Variants in GBGT1 observed in about 807,000 individuals in gnomAD.
GBGT1 encodes the protein globoside alpha-1,3-N-acetylgalactosaminyltransferase 1.
Under a neutral mutation model 20.9 loss-of-function variants are expected in GBGT1, and 18 were observed. The observed-to-expected ratio is 0.86, with a 90% CI of 0.60 to 1.28. The LOEUF is 1.28. GBGT1 is among the 50% of genes most tolerant of loss of function. GBGT1 has a pLI of 0.00. For synonymous variants in GBGT1, 168 were observed against 180.8 expected (o/e 0.93, Z 0.57); for missense variants, 432 against 455.7 (o/e 0.95, Z 0.47).
At position 133,154,077 on chromosome 9, in the gene GBGT1, G is replaced by T. The variant is rs200869632; in HGVS notation, c.544C>A (p.Arg182Ser). 1.9e-6 allele frequency: 3 copies of T among 1,613,368 alleles called. No homozygotes were observed. Among genetic ancestry groups the T allele is most frequent in the Non-Finnish European group, 2.5e-6 (3 of 1,179,886 alleles). The change falls in exon 7 of 7, where the codon CGC (arginine) becomes AGC (serine). Residue 182 changes from arginine to serine, a missense_variant. By Grantham distance (110) the Arg-to-Ser change is moderately radical (BLOSUM62 -1). Transcript: ENST00000372040. This position sits in a 1 kb window ranked among gnomAD's most constrained non-coding sequence, Gnocchi z 4.2. ...TGCTGGCTGATGGTCTCCATCCGGC[G>T]CATGGATGTCTCCTCCCAGTGGGAG... ...GHSHWEETSM[R>S]RMETISQHIA...
Position 133,161,525 on chromosome 9 carries a change from G to A in GBGT1, c.79C>T (p.Leu27Phe), listed in dbSNP as rs754203748. 1.2e-6 allele frequency: 2 copies of A among 1,607,078 alleles called. No individual in the cohort carries two copies. The highest frequency in any genetic ancestry group is 1.1e-5 in the South Asian group (1 of 90,156). Residue 27 changes from leucine (L) to phenylalanine (F), a missense_variant, in exon 3 of 7, where the codon CTT (leucine) becomes TTT (phenylalanine). Coordinates refer to ENST00000372040, the MANE Select transcript of GBGT1 (RefSeq NM_021996.6). The stretch of plus-strand genomic sequence containing the variant: ...TAGGAGACTGGCAGCCAGTTCTCAA[G>A]ATACACCCTGTGAATAAAAAAAAGA... The part of the protein sequence containing the change: ...GTSLSVLWVY[L>F]ENWLPVSYVP...
At position 133,154,649 on chromosome 9, in the gene GBGT1, G is replaced by A. The variant is rs1832815795; in HGVS notation, c.360-388C>T. The A allele has an allele frequency of 5.4e-6, 1 of 184,192 alleles. No homozygotes were observed. Among genetic ancestry groups the A allele is most frequent in the Non-Finnish European group, 1.1e-5 (1 of 88,996 alleles). The allele number at this position is 184,192 out of a possible 1,614,324, so 11.4% of individuals were successfully genotyped here. A position where few individuals can be genotyped will look rare whatever the true frequency, so the allele number is the denominator to read the frequency against. The stretch of plus-strand genomic sequence containing the variant: ...AGGTAAGTGGACGAATCAAGGGAAG[G>A]CAAGTTGAGCTAGATGCTGGGGGCA... On this transcript the variant is annotated intron_variant, in intron 6 of 6. Coordinates refer to ENST00000372040, the MANE Select transcript of GBGT1 (RefSeq NM_021996.6). This position sits in a 1 kb window ranked among gnomAD's most constrained non-coding sequence, Gnocchi z 4.2.
At position 133,161,595 on chromosome 9, in the gene GBGT1, C is replaced by T. The variant is rs1833046496; in HGVS notation, c.72-63G>A. 7.8e-6 allele frequency: 9 copies of T among 1,155,354 alleles called. No homozygotes were observed. The Admixed American group carries it at 1.7e-4, about 21-fold the overall frequency. The allele number at this position is 1,155,354 out of a possible 1,614,324, so 71.6% of individuals were successfully genotyped here. A position where few individuals can be genotyped will look rare whatever the true frequency, so the allele number is the denominator to read the frequency against. On this transcript the variant is annotated intron_variant, in intron 2 of 6. Transcript: ENST00000372040. ...CTCTGCACCAGAGGCTGAAAACGCA[C>T]CTCATGCACGTCATTGGGAGTGCAG...
intron 6 of GBGT1, 115 bp downstream of exon 6, chr9:133,155,063 G>C: frequency 3.3e-6 from 3 of 907,416 alleles, no homozygotes; most frequent in Non-Finnish European, 5.2e-6. Flanking sequence ...ACCTGGTTCC[G>C]AGCCTCCCGG....
chr9:133,161,826 C>T (rs969896315), intron 2 of GBGT1, among the ~76,000 whole-genome samples: 1 of 152,178 alleles, frequency 6.6e-6, no homozygotes, highest in Non-Finnish European at 1.5e-5. Flanking sequence ...AGGGGCAGCC[C>T]CAGGAGCTTC....
At position 133,155,180 on chromosome 9, in the gene GBGT1, C is replaced by T. The variant is rs1204209312; in HGVS notation, c.357G>A (p.Gly119=). Residue 119 remains glycine, a splice_region_variant and synonymous_variant, in exon 6 of 7, where the codon GGG becomes GGA. Coordinates refer to ENST00000372040, the MANE Select transcript of GBGT1 (RefSeq NM_021996.6). ...CCCTTCCCCAGCCCACTACTCACTT[C>T]CCCACGGCAAACACCGTGACCCCAA... The part of the protein sequence containing the change: ...LTIGVTVFAV[G]KYTHFIQSFL... 1.2e-6 allele frequency: 2 copies of T among 1,613,688 alleles called. No homozygotes were observed. Among genetic ancestry groups the T allele is most frequent in the Admixed American group, 3.3e-5 (2 of 60,002 alleles).
Position 133,153,578 on chromosome 9 carries a change from C to G in GBGT1, c.1043G>C (p.Ter348SerextTer63). The G allele has an allele frequency of 6.6e-7, 1 of 1,525,762 alleles. No homozygotes were observed. Among genetic ancestry groups the G allele is most frequent in the Non-Finnish European group, 8.8e-7 (1 of 1,135,666 alleles). The allele number at this position is 1,525,762 out of a possible 1,614,324, so 94.5% of individuals were successfully genotyped here. A position where few individuals can be genotyped will look rare whatever the true frequency, so the allele number is the denominator to read the frequency against. ...CCATGGCAACCCCCAGCTCCGTGGT[C>G]AGCTCCTCAGGCAGCTGATATCCTT... ...LDKDISCLRS[*>S] Residue 348 changes from the stop codon to serine, a stop_lost, in exon 7 of 7, where the codon TGA becomes TCA. Coordinates refer to ENST00000372040, the MANE Select transcript of GBGT1 (RefSeq NM_021996.6).
chr9:133,153,592 G>A lies in GBGT1; in HGVS notation c.1029C>T (p.Ser343=). 6.5e-7 allele frequency: 1 copy of A among 1,543,358 alleles called. No homozygotes were observed. Among genetic ancestry groups the A allele is most frequent in the Non-Finnish European group, 8.7e-7 (1 of 1,144,186 alleles). Residue 343 remains serine, a synonymous_variant, in exon 7 of 7, where the codon AGC becomes AGT. Coordinates refer to ENST00000372040, the MANE Select transcript of GBGT1 (RefSeq NM_021996.6). ...AGCTCCGTGGTCAGCTCCTCAGGCA[G>A]CTGATATCCTTGTCCAGTGTAGAAA... The part of the protein sequence containing the change: ...IRFSTLDKDI[S]CLRS
In GBGT1 at chr9:133,155,105, T is replaced by C. The variant is rs1039938751; in HGVS notation, c.359+73A>G. 4.7e-5 allele frequency: 66 copies of C among 1,407,540 alleles called. No homozygotes were observed. The Admixed American group carries it at 9.4e-4, about 20-fold the overall frequency. 87.2% of individuals were successfully genotyped at this position (1,407,540 alleles called of 1,614,324 possible). A position where few individuals can be genotyped will look rare whatever the true frequency, so the allele number is the denominator to read the frequency against. ...AGCAGGGTCCTGTGTGCACGTCTGG[T>C]CTGGTCTCTTCCCAACTATAAACTC... On this transcript the variant is annotated intron_variant, in intron 6 of 6. Coordinates refer to ENST00000372040, the MANE Select transcript of GBGT1 (RefSeq NM_021996.6).
At chr9:133,159,178 C>G (rs1228987875) in intron 3 of GBGT1, among the ~76,000 whole-genome samples, 1 of 152,170 alleles carries the variant, frequency 6.6e-6, no homozygotes, top group Admixed American at 6.5e-5. Context: ...CCAGGCTGGT[C>G]TTGAACTCCT....
At chr9:133,158,048 G>A (rs1832922968) in intron 3 of GBGT1, among the ~76,000 whole-genome samples, 1 of 152,080 alleles carries the variant, frequency 6.6e-6, no homozygotes, top group Non-Finnish European at 1.5e-5. Context: ...GGGAGGCTGA[G>A]GGAGGAGAAT....
Position 133,153,642 on chromosome 9 carries a change from G to T in GBGT1, c.979C>A (p.Pro327Thr). 1 of 1,607,314 alleles carries T rather than the reference G, an allele frequency of 6.2e-7. No individual in the cohort carries two copies. The highest frequency in any genetic ancestry group is 8.5e-7 in the Non-Finnish European group (1 of 1,176,366). Residue 327 changes from proline to threonine, a missense_variant, in exon 7 of 7, where the codon CCA becomes ACA. Physicochemically the swap from Pro to Thr is conservative, Grantham distance 38. Transcript: ENST00000372040. ...AAGCGGATCAGCTTCAGGCTGGGTG[G>T]CTGGGGCTTCCTGTCGTCCCAGAGG... ...EYLWDDRKPQ[P>T]PSLKLIRFST...
In GBGT1 at chr9:133,156,068, G is replaced by A; in HGVS notation, c.138-3C>T. 6.2e-7 allele frequency: 1 copy of A among 1,614,016 alleles called. No individual in the cohort carries two copies. The highest frequency in any genetic ancestry group is 1.1e-5 in the South Asian group (1 of 91,082). ...TCTTGTAGTGCAGCTTCATGTTGCTGGTGGCAGAGGCAAGAAAGAGCCATC... is the reference window on the plus strand; with the variant it reads ...TCTTGTAGTGCAGCTTCATGTTGCTAGTGGCAGAGGCAAGAAAGAGCCATC... On this transcript the variant is annotated splice_polypyrimidine_tract_variant and splice_region_variant and intron_variant, in intron 3 of 6. Coordinates refer to ENST00000372040, the MANE Select transcript of GBGT1 (RefSeq NM_021996.6).
In GBGT1 at chr9:133,155,300, C is replaced by A; in HGVS notation, c.237G>T (p.Leu79=). 1 of 1,614,024 alleles carries A rather than the reference C, an allele frequency of 6.2e-7. No homozygotes were observed. The highest frequency in any genetic ancestry group is 8.5e-7 in the Non-Finnish European group (1 of 1,179,988). ...PKLLEHRPTQ[L]LTLTPWLAPI... The stretch of plus-strand genomic sequence containing the variant: ...GCGCCAACCAGGGTGTGAGTGTCAG[C>A]AGCTGTGTGGGCCTGGCAGCAGGGG... The change falls in exon 6 of 7, where the codon CTG becomes CTT. Residue 79 remains leucine (L), a synonymous_variant. Coordinates refer to ENST00000372040, the MANE Select transcript of GBGT1 (RefSeq NM_021996.6).
chr9:133,163,756 C>T lies in GBGT1; in HGVS notation c.-123G>A, dbSNP rs1375808662. On this transcript the variant is annotated splice_region_variant and 5_prime_UTR_variant, in exon 1 of 7. Coordinates refer to ENST00000372040, the MANE Select transcript of GBGT1 (RefSeq NM_021996.6). ...GTCCCTACGGGGTGCAGACTTACTC[C>T]TTGCTGCCGGCCCGGCGTTAGGACG... The T allele has an allele frequency of 6.6e-6, 1 of 152,434 alleles. No homozygotes were observed. The highest frequency in any genetic ancestry group is 1.5e-5 in the Non-Finnish European group (1 of 68,204). 9.4% of individuals were successfully genotyped at this position (152,434 alleles called of 1,614,324 possible). A position where few individuals can be genotyped will look rare whatever the true frequency, so the allele number is the denominator to read the frequency against.
chr9:133,159,462 A>C (rs1832968724), intron 3 of GBGT1, among the ~76,000 whole-genome samples: 1 of 152,146 alleles, frequency 6.6e-6, no homozygotes, highest in Admixed American at 6.6e-5. Context: ...TTCTCTCCAC[A>C]AGCCCAGACA....
chr9:133,157,665 G>A (rs940071516), intron 3 of GBGT1, among the ~76,000 whole-genome samples: 1 of 152,220 alleles, frequency 6.6e-6, no homozygotes, highest in African/African-American at 2.4e-5. Context: ...AAAGAAGGGG[G>A]TCCATGAAGG....
At position 133,154,135 on chromosome 9, in the gene GBGT1, G is replaced by A. The variant is rs753614832; in HGVS notation, c.486C>T (p.His162=). 1.2e-6 allele frequency: 2 copies of A among 1,604,096 alleles called. No individual in the cohort carries two copies. The highest frequency in any genetic ancestry group is 1.1e-5 in the South Asian group (1 of 90,956). Residue 162 remains histidine (H), a synonymous_variant, in exon 7 of 7, where the codon CAC becomes CAT. Coordinates refer to ENST00000372040, the MANE Select transcript of GBGT1 (RefSeq NM_021996.6). The surrounding 1 kb of genome is among the most constrained non-coding windows in gnomAD (Gnocchi z 4.2). The part of the protein sequence containing the change: ...AAVPGVPLGP[H]RLLSSIPIQG... ...GGATGGGGATGGAGCTGAGAAGCCG[G>A]TGGGGACCCAGCGGGACCCCGGGAA...
At chr9:133,161,592 G>C (rs188561774) in intron 2 of GBGT1, 60 bp from the exon 3 acceptor site, 3 of 1,152,764 alleles carry the variant, frequency 2.6e-6, no homozygotes, top group Non-Finnish European at 2.5e-6. Flanking sequence ...GGCTGAAAAC[G>C]CACCTCATGC....
Sources: gnomAD v4.1 joint callset for allele counts (sites outside exome capture counted in the v4.1 genomes callset) on GRCh38, gnomAD v4.1.1 for gene constraint, Gnocchi (gnomAD v3.1) non-coding constraint, MANE v1.5 for transcripts, NCBI Gene and HGNC (gene_info 2026-07-23, HGNC 2026-07-21) for gene names.